SEMA6D: variants seen among roughly 807,000 people sequenced by gnomAD.
SEMA6D encodes semaphorin-6D.
SEMA6D carries 35 observed loss-of-function variants against 106.6 expected under a neutral mutation model. That is an observed-to-expected ratio of 0.33 (90% CI 0.25 to 0.44). SEMA6D has a LOEUF of 0.44. Ranked by LOEUF, SEMA6D falls within the 20% of genes least tolerant of loss-of-function variation. The pLI, the probability that SEMA6D is intolerant of heterozygous loss-of-function variation, is 1.00. For missense variants in SEMA6D, 1,185 were observed against 1,345.9 expected (o/e 0.88, Z 1.87); for synonymous variants, 499 against 487.7 (o/e 1.02, Z -0.31).
intron 1 of SEMA6D, among the ~76,000 whole-genome samples, chr15:47,379,237 G>T (rs1318550736): frequency 6.6e-6 from 1 of 152,132 alleles, no homozygotes; most frequent in Non-Finnish European, 1.5e-5. Flanking sequence ...GTGCTTGAGG[G>T]AGCTGCTTAT....
At position 47,552,891 on chromosome 15, in the gene SEMA6D, A is replaced by ATATTTATAT. The variant is rs2045790546; in HGVS notation, c.-86-47974_-86-47973insTATTTATAT. Among the ~76,000 whole-genome samples the ATATTTATAT allele has an allele frequency of 1.4e-4, 5 of 35,282 alleles. 1 individual carries two copies. Among genetic ancestry groups the ATATTTATAT allele is most frequent in the Non-Finnish European group, 2.5e-4 (5 of 19,990 alleles). 23.1% of individuals were successfully genotyped at this position (35,282 alleles called of 152,430 possible). On this transcript the variant is annotated intron_variant, in intron 3 of 19. Transcript: ENST00000558014. Reference sequence around the variant, plus strand: ...TTTTATATATATATAAATATATATAAATATATATATATATAAATATATATA... The same window carrying ATATTTATAT: ...TTTTATATATATATAAATATATATAATATTTATATATATATATATATATAAATATATATA...
intron 1 of SEMA6D, among the ~76,000 whole-genome samples, chr15:47,340,521 A>G (rs1340774301): frequency 2.0e-5 from 3 of 152,332 alleles, no homozygotes; most frequent in Admixed American, 2.0e-4. Flanking sequence ...TCCTGCTGTC[A>G]GGAGAAAAGA....
chr15:47,446,449 A>T (rs1274430973), intron 2 of SEMA6D, among the ~76,000 whole-genome samples: 2 of 152,144 alleles, frequency 1.3e-5, no homozygotes, highest in South Asian at 4.1e-4. Flanking sequence ...TAGAGAAATT[A>T]TGCATACAAT....
At chr15:47,736,447 C>A (rs1381515870) in intron 1 of SEMA6D, among the ~76,000 whole-genome samples, 1 of 152,166 alleles carries the variant, frequency 6.6e-6, no homozygotes, top group Non-Finnish European at 1.5e-5. Flanking sequence ...AGCTATGTAT[C>A]TTCAAAGTAA....
At chr15:47,383,562 G>A (rs1001722929) in intron 1 of SEMA6D, among the ~76,000 whole-genome samples, 2 of 152,186 alleles carry the variant, frequency 1.3e-5, no homozygotes, top group Non-Finnish European at 2.9e-5. Flanking sequence ...CAACACAGTA[G>A]TAGTAGTAGT....
chr15:47,684,217 A>G (rs1461287532), intron 4 of SEMA6D, among the ~76,000 whole-genome samples: 1 of 152,094 alleles, frequency 6.6e-6, no homozygotes, highest in African/African-American at 2.4e-5. Flanking sequence ...TTTATGGAAT[A>G]TGCCCCAGTC....
intron 4 of SEMA6D, among the ~76,000 whole-genome samples, chr15:47,613,088 A>G (rs1912630): frequency 0.36 from 54,232 of 152,058 alleles, 9,833 homozygotes; most frequent in East Asian, 0.51. Context: ...TCTAAAATCT[A>G]AGGAACTTCA....
chr15:47,771,847 G>A lies in SEMA6D; in HGVS notation c.*62G>A. The A allele has an allele frequency of 6.9e-7, 1 of 1,455,076 alleles. No individual in the cohort carries two copies. The highest frequency in any genetic ancestry group is 9.4e-7 in the Non-Finnish European group (1 of 1,066,778). The allele number at this position is 1,455,076 out of a possible 1,614,324, so 90.1% of individuals were successfully genotyped here. On this transcript the variant is annotated 3_prime_UTR_variant, in exon 19 of 19. Transcript: ENST00000536845. ...TCCGTGTTGTTGAGAGGATGATGTT[G>A]TAAGGGTACCTTAAAACAAGAGACT...
chr15:47,485,633 C>A (rs1458047754), intron 3 of SEMA6D, among the ~76,000 whole-genome samples: 1 of 152,150 alleles, frequency 6.6e-6, no homozygotes, highest in Admixed American at 6.5e-5. Context: ...AGCTTGACCA[C>A]TGTCCAGAAC....
intron 1 of SEMA6D, among the ~76,000 whole-genome samples, chr15:47,384,115 T>C (rs1402138126): frequency 1.3e-5 from 2 of 152,188 alleles, no homozygotes; most frequent in African/African-American, 4.8e-5. Context: ...GGGTTTAAGT[T>C]TTCCCACAAA....
intron 3 of SEMA6D, among the ~76,000 whole-genome samples, chr15:47,566,410 C>T (rs1423025315): frequency 1.3e-5 from 2 of 152,166 alleles, no homozygotes; most frequent in Non-Finnish European, 2.9e-5. Context: ...GGAGTGTGTT[C>T]ACTTGAACTG....
chr15:47,281,429 C>T (rs1271624539), intron 1 of SEMA6D, among the ~76,000 whole-genome samples: 16 of 148,298 alleles, frequency 1.1e-4, no homozygotes, highest in African/African-American at 2.0e-4. Context: ...TGTCTCTGTA[C>T]GTGAGATGGG....
chr15:47,371,109 A>G (rs1481887763), intron 1 of SEMA6D, among the ~76,000 whole-genome samples: 7 of 152,232 alleles, frequency 4.6e-5, no homozygotes, highest in Non-Finnish European at 7.3e-5. Flanking sequence ...CCAAATCAAT[A>G]TGGACTCTCA....
At chr15:47,244,146 A>G (rs1299937560) in intron 1 of SEMA6D, among the ~76,000 whole-genome samples, 1 of 152,106 alleles carries the variant, frequency 6.6e-6, no homozygotes, top group Non-Finnish European at 1.5e-5. Flanking sequence ...GGAGGCACTT[A>G]CCAAACATTG....
intron 1 of SEMA6D, among the ~76,000 whole-genome samples, chr15:47,242,132 A>G (rs1242755914): frequency 3.3e-5 from 5 of 152,302 alleles, no homozygotes; most frequent in South Asian, 2.1e-4. Flanking sequence ...TGTTCTGACT[A>G]TAACAGATAA....
At chr15:47,224,664 C>T (rs969048723) in intron 1 of SEMA6D, among the ~76,000 whole-genome samples, 5 of 152,000 alleles carry the variant, frequency 3.3e-5, no homozygotes, top group Admixed American at 6.6e-5. Context: ...GGTAGATGCT[C>T]AATAAATATT....
intron 3 of SEMA6D, among the ~76,000 whole-genome samples, chr15:47,551,508 G>A (rs974503755): frequency 3.3e-5 from 5 of 152,194 alleles, no homozygotes; most frequent in Admixed American, 2.6e-4. Flanking sequence ...GATGGAGGCA[G>A]TGAGCTAGTT....
chr15:47,761,321 T>C lies in SEMA6D; in HGVS notation c.346-9T>C. ...TGTCTAATATTAATGTAACTACTAC[T>C]TTCTTTAGGATGAATGCCACAACTT... On this transcript the variant is annotated splice_polypyrimidine_tract_variant and intron_variant, in intron 5 of 18. Coordinates refer to ENST00000536845, the MANE Select transcript of SEMA6D (RefSeq NM_001358351.3). 6.2e-7 allele frequency: 1 copy of C among 1,611,768 alleles called. No individual in the cohort carries two copies. Among genetic ancestry groups the C allele is most frequent in the Non-Finnish European group, 8.5e-7 (1 of 1,179,068 alleles).
chr15:47,533,138 A>T (rs2142086923), intron 3 of SEMA6D, among the ~76,000 whole-genome samples: 1 of 152,332 alleles, frequency 6.6e-6, no homozygotes, highest in African/African-American at 2.4e-5. Flanking sequence ...TGGTGCCTAA[A>T]GTTTTTATCC....
Sources: gnomAD v4.1 joint callset for allele counts (sites outside exome capture counted in the v4.1 genomes callset) on GRCh38, gnomAD v4.1.1 for gene constraint, MANE v1.5 for transcripts, NCBI Gene and HGNC (gene_info 2026-07-23, HGNC 2026-07-21) for gene names.